The following KCNIP4 variants were observed in gnomAD, a reference collection of about 807,000 sequenced individuals.
KCNIP4 encodes the protein potassium voltage-gated channel interacting protein 4.
In KCNIP4, 12 loss-of-function variants were observed where a neutral mutation model predicts 34.0. The ratio of observed to expected loss-of-function variants is 0.35; its 90% CI spans 0.23 to 0.57. The LOEUF is 0.57. Ranked by LOEUF, KCNIP4 falls within the 20% of genes least tolerant of loss-of-function variation. The probability of loss-of-function intolerance (pLI) is 0.83; values close to 1 mark genes in which losing one functional copy is unlikely to be tolerated. For missense variants in KCNIP4, 238 were observed against 311.7 expected, an observed-to-expected ratio of 0.76 and a Z score of 1.78; for synonymous variants, 124 against 102.2, an observed-to-expected ratio of 1.21 and a Z score of -1.29.
At chr4:21,678,043 C>T (rs1340941595) in intron 1 of KCNIP4, among the ~76,000 whole-genome samples, 1 of 152,170 alleles carries the variant, frequency 6.6e-6, no homozygotes, top group Non-Finnish European at 1.5e-5. Flanking sequence ...TGAGCCACTG[C>T]GCCTGGCCCC....
At chr4:21,727,555 G>A (rs966888701) in intron 1 of KCNIP4, among the ~76,000 whole-genome samples, 1 of 152,118 alleles carries the variant, frequency 6.6e-6, no homozygotes, top group East Asian at 1.9e-4. Flanking sequence ...GTGGCCGGGT[G>A]TGGTGGCTCA....
rs186792862 is a variant in KCNIP4, at chr4:21,426,465, A to C, written c.61+522106T>G. 1.4e-4 allele frequency among the ~76,000 whole-genome samples: 22 copies of C among 152,352 alleles called. No individual in the cohort carries two copies. The East Asian group carries it at 3.1e-3, about 21-fold the overall frequency. On this transcript the variant is annotated intron_variant, in intron 1 of 8. Transcript: ENST00000382152. ...AATCTGACCATTTACTCTTGGATAA[A>C]ATTGTCAAATATTTAGACTACACAG...
At chr4:21,747,117 C>CA (rs1716829690) in intron 1 of KCNIP4, among the ~76,000 whole-genome samples, 1 of 152,090 alleles carries the variant, frequency 6.6e-6, no homozygotes, top group Admixed American at 6.6e-5. Context: ...TTCACTCTGC[C>CA]ACATGGTTTT....
intron 1 of KCNIP4, among the ~76,000 whole-genome samples, chr4:21,082,865 T>TTCTATCTATCTA (rs71182707): frequency 0.059 from 8,686 of 147,626 alleles, 342 homozygotes; most frequent in East Asian, 0.099. Context: ...TGCCAGGTTA[T>TTCTATCTATCTA]TCTATCTATC....
chr4:21,350,168 CT>C (rs1247284257), intron 1 of KCNIP4, among the ~76,000 whole-genome samples: 1 of 152,082 alleles, frequency 6.6e-6, no homozygotes, highest in African/African-American at 2.4e-5. Context: ...CCAAAGAAAA[CT>C]GGTATGAACA....
At chr4:21,533,835 C>T (rs1379816141) in intron 1 of KCNIP4, among the ~76,000 whole-genome samples, 1 of 152,106 alleles carries the variant, frequency 6.6e-6, no homozygotes, top group African/African-American at 2.4e-5. Context: ...TAAAAAGATT[C>T]ATAGTCAATC....
At chr4:20,957,959 TGGCCTGG>T (rs1733482323) in intron 1 of KCNIP4, among the ~76,000 whole-genome samples, 2 of 152,218 alleles carry the variant, frequency 1.3e-5, no homozygotes, top group African/African-American at 4.8e-5. Flanking sequence ...GGCAGGTGTT[TGGCCTGG>T]AGCCCTCTTA....
chr4:21,522,216 A>G (rs11944745), intron 1 of KCNIP4, among the ~76,000 whole-genome samples: 1 of 151,846 alleles, frequency 6.6e-6, no homozygotes, highest in Non-Finnish European at 1.5e-5. Context: ...GATTCATTTA[A>G]CACTTCAGAG....
chr4:21,048,784 T>G (rs542989938), intron 1 of KCNIP4, among the ~76,000 whole-genome samples: 178 of 152,228 alleles, frequency 1.2e-3, no homozygotes, highest in African/African-American at 4.2e-3. Context: ...ATGCTAACTG[T>G]AGGCCTAGCT....
chr4:21,273,653 AT>A (rs780785533), intron 1 of KCNIP4, among the ~76,000 whole-genome samples: 8 of 152,136 alleles, frequency 5.3e-5, no homozygotes, highest in Non-Finnish European at 1.0e-4. Flanking sequence ...ATACAGTGTA[AT>A]ATCCTTATCT....
At chr4:21,805,955 A>C (rs1721267652) in intron 1 of KCNIP4, among the ~76,000 whole-genome samples, 1 of 152,346 alleles carries the variant, frequency 6.6e-6, no homozygotes, top group Admixed American at 6.5e-5. Context: ...TGTGTCAAGA[A>C]TGTAGGTTAC....
At position 20,748,604 on chromosome 4, in the gene KCNIP4, ATTC is replaced by A. The variant is rs1560431306; in HGVS notation, c.429+1055_429+1057del. On this transcript the variant is annotated intron_variant, in intron 5 of 8. Coordinates refer to ENST00000382152, the MANE Select transcript of KCNIP4 (RefSeq NM_025221.6). ...TATATATATATATATATATATATAT[ATTC>A]CATAAGTAAATATAAATGTATATAT... 3.2e-3 allele frequency among the ~76,000 whole-genome samples: 377 copies of A among 119,190 alleles called. 7 individuals are homozygous for A. The East Asian group carries it at 0.052, about 16-fold the overall frequency. 78.2% of individuals were successfully genotyped at this position (119,190 alleles called of 152,430 possible).
rs185580961 is a variant in KCNIP4 at position 21,459,145 on chromosome 4, G to A, written c.61+489426C>T. On this transcript the variant is annotated intron_variant, in intron 1 of 8. Transcript: ENST00000382152. The stretch of plus-strand genomic sequence containing the variant: ...CAAACTTCTCAAAAGAGTTTCTATG[G>A]CCACTCTCTTCAATTCCTTTACTCC... 2.0e-5 allele frequency among the ~76,000 whole-genome samples: 3 copies of A among 151,732 alleles called. No individual in the cohort carries two copies. The East Asian group carries it at 5.8e-4, about 30-fold the overall frequency.
At chr4:21,187,962 C>A (rs1399131304) in intron 1 of KCNIP4, among the ~76,000 whole-genome samples, 1 of 152,188 alleles carries the variant, frequency 6.6e-6, no homozygotes, top group East Asian at 1.9e-4. Flanking sequence ...GTTTTATCAT[C>A]TGTCAAATGG....
chr4:21,400,501 T>C (rs1385696755), intron 1 of KCNIP4, among the ~76,000 whole-genome samples: 1 of 144,936 alleles, frequency 6.9e-6, no homozygotes, highest in Non-Finnish European at 1.5e-5. Flanking sequence ...TCCCCTCCCT[T>C]CCCCTCCCTT....
chr4:21,501,252 A>T (rs868255846), intron 1 of KCNIP4, among the ~76,000 whole-genome samples: 2,234 of 148,816 alleles, frequency 0.015, 53 homozygotes, highest in African/African-American at 0.046. Context: ...TCTCTCTCAC[A>T]CACACACACA....
intron 1 of KCNIP4, among the ~76,000 whole-genome samples, chr4:21,468,299 G>A (rs58946492): frequency 0.074 from 11,268 of 152,140 alleles, 521 homozygotes; most frequent in East Asian, 0.15. Context: ...AAAAAGACCT[G>A]AGATCAGGCC....
chr4:21,916,776 C>A (rs1728654281), intron 1 of KCNIP4, among the ~76,000 whole-genome samples: 1 of 152,130 alleles, frequency 6.6e-6, no homozygotes, highest in Non-Finnish European at 1.5e-5. Context: ...TTGCCTTGGC[C>A]AGAGTTCTGT....
At chr4:20,828,194 C>T (rs1278114767) in intron 3 of KCNIP4, among the ~76,000 whole-genome samples, 5 of 152,062 alleles carry the variant, frequency 3.3e-5, no homozygotes, top group African/African-American at 9.7e-5. Context: ...TTTGGGAGGC[C>T]GAGGCGGGTG....
Sources: gnomAD v4.1 joint callset for allele counts (sites outside exome capture counted in the v4.1 genomes callset) on GRCh38, gnomAD v4.1.1 for gene constraint, MANE v1.5 for transcripts, NCBI Gene and HGNC (gene_info 2026-07-23, HGNC 2026-07-21) for gene names.